SREK1IP1: variants seen among roughly 807,000 people sequenced by gnomAD.
SREK1IP1 encodes SREK1 interacting protein 1, also known as protein SREK1IP1.
A neutral mutation model predicts 22.8 loss-of-function variants in SREK1IP1; 12 were observed. The ratio of observed to expected loss-of-function variants is 0.53; its 90% CI spans 0.34 to 0.85. The LOEUF is 0.85. SREK1IP1 is among the 40% of genes least tolerant of loss of function. SREK1IP1 has a pLI of 0.02. For synonymous variants in SREK1IP1, 53 were observed against 52.7 expected, an observed-to-expected ratio of 1.01 and a Z score of -0.02; for missense variants, 147 against 171.8, an observed-to-expected ratio of 0.86 and a Z score of 0.81.
chr5:64,725,861 C>CT (rs547845420), intron 4 of SREK1IP1, among the ~76,000 whole-genome samples: 7,772 of 112,002 alleles, frequency 0.069, 628 homozygotes, highest in African/African-American at 0.18. Context: ...TTGTTTGTTT[C>CT]TTTTTTTTTT....
intron 1 of SREK1IP1, among the ~76,000 whole-genome samples, chr5:64,766,573 G>A (rs1226463587): frequency 1.3e-5 from 2 of 152,194 alleles, no homozygotes; most frequent in African/African-American, 4.8e-5. Context: ...TCCAAAATGT[G>A]AATCTGCTTT....
chr5:64,731,549 A>G (rs1742381414), intron 3 of SREK1IP1, among the ~76,000 whole-genome samples: 1 of 151,138 alleles, frequency 6.6e-6, no homozygotes, highest in Non-Finnish European at 1.5e-5. Flanking sequence ...GAGGACAGGA[A>G]TCTTAAAATA....
chr5:64,725,018 G>A (rs1427105077), intron 4 of SREK1IP1, among the ~76,000 whole-genome samples: 1 of 152,148 alleles, frequency 6.6e-6, no homozygotes, highest in Non-Finnish European at 1.5e-5. Context: ...ACGTTCATAT[G>A]AATGAATGAA....
At chr5:64,755,554 A>T (rs984768527) in intron 1 of SREK1IP1, among the ~76,000 whole-genome samples, 29 of 152,260 alleles carry the variant, frequency 1.9e-4, no homozygotes, top group African/African-American at 7.0e-4. Context: ...ACTGGGGACC[A>T]TTGGGAGAGG....
chr5:64,718,331 A>G lies in SREK1IP1; in HGVS notation c.*6053T>C. ...CCTATCTCAGTGAAGAACAGTGAGA[A>G]GTTTATGTCACATTACCAGCATTTC... On this transcript the variant is annotated 3_prime_UTR_variant, in exon 5 of 5. Transcript: ENST00000513458. 4.9e-6 allele frequency: 1 copy of G among 202,192 alleles called. No homozygotes were observed. Among genetic ancestry groups the G allele is most frequent in the Non-Finnish European group, 9.8e-6 (1 of 102,518 alleles). 12.5% of individuals were successfully genotyped at this position (202,192 alleles called of 1,614,324 possible).
intron 2 of SREK1IP1, among the ~76,000 whole-genome samples, chr5:64,744,295 T>C (rs1742596643): frequency 6.6e-6 from 1 of 152,130 alleles, no homozygotes; most frequent in Middle Eastern, 3.2e-3. Flanking sequence ...TCAATGTTAA[T>C]TGGGGCACTT....
chr5:64,747,001 G>C (rs970570434), intron 2 of SREK1IP1, among the ~76,000 whole-genome samples: 1 of 152,144 alleles, frequency 6.6e-6, no homozygotes, highest in South Asian at 2.1e-4. Context: ...TATATAGCAC[G>C]GAACTCAGAA....
intron 3 of SREK1IP1, among the ~76,000 whole-genome samples, chr5:64,736,840 T>G (rs1026749793): frequency 6.6e-6 from 1 of 152,128 alleles, no homozygotes; most frequent in Non-Finnish European, 1.5e-5. Flanking sequence ...ATTCCTGGTA[T>G]TCTTTGCTTT....
rs371868219 is a variant in SREK1IP1, at chr5:64,720,376, G to A, written c.*4008C>T. 6.6e-6 allele frequency: 1 copy of A among 152,110 alleles called. No homozygotes were observed. Among genetic ancestry groups the A allele is most frequent in the East Asian group, 1.9e-4 (1 of 5,190 alleles). 9.4% of individuals were successfully genotyped at this position (152,110 alleles called of 1,614,324 possible). On this transcript the variant is annotated 3_prime_UTR_variant, in exon 5 of 5. Transcript: ENST00000513458. ...AGAAAGAAATGTGAGTCTAATAATA[G>A]AGCCTAAAATAATCAAATTATATTT...
chr5:64,759,403 A>G lies in SREK1IP1; in HGVS notation c.14-5041T>C, dbSNP rs140050564. On this transcript the variant is annotated intron_variant, in intron 1 of 4. Transcript: ENST00000513458. Reference sequence around the variant, plus strand: ...GGGCTCCCGTGCAGTTCTTGGCTCCATTCCTTTTTGAAGTTTGCTAAGGCT... The same window carrying G: ...GGGCTCCCGTGCAGTTCTTGGCTCCGTTCCTTTTTGAAGTTTGCTAAGGCT... Among the ~76,000 whole-genome samples, 760 of 152,302 alleles carry G rather than the reference A, an allele frequency of 5.0e-3. 10 individuals are homozygous for G. Among genetic ancestry groups the G allele is most frequent in the South Asian group, 0.025 (119 of 4,820 alleles).
chr5:64,744,324 T>G (rs961197167), intron 2 of SREK1IP1, among the ~76,000 whole-genome samples: 2 of 152,204 alleles, frequency 1.3e-5, no homozygotes, highest in Non-Finnish European at 2.9e-5. Context: ...GGTGCCTGTC[T>G]GGGCCTCTTC....
intron 3 of SREK1IP1, among the ~76,000 whole-genome samples, 172 bp downstream of exon 3, chr5:64,740,885 G>A (rs1394496483): frequency 2.0e-5 from 3 of 152,088 alleles, no homozygotes; most frequent in Non-Finnish European, 2.9e-5. Context: ...ATCTGTAATT[G>A]CTTAGCTGTT....
At position 64,757,379 on chromosome 5, in the gene SREK1IP1, G is replaced by C. The variant is rs1742860672; in HGVS notation, c.14-3017C>G. Among the ~76,000 whole-genome samples, 4 of 152,252 alleles carry C rather than the reference G, an allele frequency of 2.6e-5. No homozygotes were observed. The South Asian group carries it at 8.3e-4, about 31-fold the overall frequency. Reference sequence around the variant, plus strand: ...CCACTGCACTCCAGCCTAGGTGACAGAGGGAGACTCTGTCTCTAATTATTC... The same window carrying C: ...CCACTGCACTCCAGCCTAGGTGACACAGGGAGACTCTGTCTCTAATTATTC... On this transcript the variant is annotated intron_variant, in intron 1 of 4. Transcript: ENST00000513458.
intron 2 of SREK1IP1, among the ~76,000 whole-genome samples, chr5:64,747,727 G>A (rs926088342): frequency 2.6e-5 from 4 of 152,134 alleles, no homozygotes; most frequent in African/African-American, 9.6e-5. Flanking sequence ...AGGAGATTGA[G>A]ACCATCCTGG....
chr5:64,767,631 C>G (rs993131892), intron 1 of SREK1IP1, among the ~76,000 whole-genome samples: 13 of 152,168 alleles, frequency 8.5e-5, no homozygotes, highest in African/African-American at 3.1e-4. Context: ...AGTTAGGGTT[C>G]TGAACCATAG....
intron 4 of SREK1IP1, 78 bp from the exon 5 acceptor site, chr5:64,724,651 T>A: frequency 1.7e-6 from 2 of 1,162,530 alleles, no homozygotes; most frequent in Non-Finnish European, 2.4e-6. Flanking sequence ...TGAACTGCCT[T>A]AAATTCTTCT....
intron 3 of SREK1IP1, among the ~76,000 whole-genome samples, chr5:64,732,814 T>C (rs1041400797): frequency 6.6e-6 from 1 of 151,102 alleles, no homozygotes; most frequent in South Asian, 2.1e-4. Flanking sequence ...GCTATATGAA[T>C]AAAGACTATG....
intron 1 of SREK1IP1, among the ~76,000 whole-genome samples, chr5:64,755,344 C>T (rs1287988869): frequency 6.6e-6 from 1 of 152,002 alleles, no homozygotes; most frequent in African/African-American, 2.4e-5. Context: ...AAAGAAAATG[C>T]ACTACATATA....
intron 2 of SREK1IP1, among the ~76,000 whole-genome samples, chr5:64,752,497 A>G (rs959025194): frequency 1.3e-5 from 2 of 152,134 alleles, no homozygotes; most frequent in African/African-American, 4.8e-5. Flanking sequence ...TCTGCCACAG[A>G]AAGAGAGACC....
Sources: gnomAD v4.1 joint callset for allele counts (sites outside exome capture counted in the v4.1 genomes callset) on GRCh38, gnomAD v4.1.1 for gene constraint, MANE v1.5 for transcripts, NCBI Gene and HGNC (gene_info 2026-07-23, HGNC 2026-07-21) for gene names.